TECRL: variants seen among roughly 807,000 people sequenced by gnomAD.
The protein encoded by TECRL is trans-2,3-enoyl-CoA reductase-like.
TECRL carries 63 observed loss-of-function variants against 52.8 expected under a neutral mutation model. The observed-to-expected ratio is 1.19, with a 90% CI of 0.97 to 1.47. The LOEUF (loss-of-function observed/expected upper bound fraction) is 1.47, where lower values mean the gene tolerates loss of function less well. Among genes scored for constraint, TECRL ranks in the 40% most tolerant of loss-of-function variants. The pLI is 0.00. For synonymous variants in TECRL, 164 were observed against 141.9 expected, an observed-to-expected ratio of 1.16 and a Z score of -1.10; for missense variants, 482 against 429.6, an observed-to-expected ratio of 1.12 and a Z score of -1.08.
At chr4:64,293,293 A>G (rs1199787139) in intron 8 of TECRL, among the ~76,000 whole-genome samples, 1 of 152,152 alleles carries the variant, frequency 6.6e-6, no homozygotes, top group Non-Finnish European at 1.5e-5. Flanking sequence ...TCTCTGACCT[A>G]TTAATTTTAT....
intron 7 of TECRL, among the ~76,000 whole-genome samples, chr4:64,303,540 C>A (rs1057223561): frequency 2.0e-4 from 30 of 151,604 alleles, no homozygotes; most frequent in African/African-American, 7.0e-4. Context: ...CAGTTATTTG[C>A]TGAGTAAATT....
At chr4:64,289,543 G>A (rs545813290) in intron 9 of TECRL, among the ~76,000 whole-genome samples, 167 bp downstream of exon 9, 4 of 152,156 alleles carry the variant, frequency 2.6e-5, no homozygotes, top group Admixed American at 2.0e-4. Flanking sequence ...TAGAGAATAA[G>A]ACTTGGTTCA....
At chr4:64,372,455 C>A (rs1487816270) in intron 2 of TECRL, among the ~76,000 whole-genome samples, 2 of 151,726 alleles carry the variant, frequency 1.3e-5, no homozygotes, top group Non-Finnish European at 1.5e-5. Flanking sequence ...CTTTCTATTT[C>A]TTCACCAGTC....
At chr4:64,345,569 A>C in intron 2 of TECRL, among the ~76,000 whole-genome samples, 1 of 106,798 alleles carries the variant, frequency 9.4e-6, no homozygotes, top group Non-Finnish European at 1.9e-5. Flanking sequence ...GGGAGGGGGG[A>C]GGGATAGCAT....
At chr4:64,374,254 CCAT>C (rs1342539777) in intron 2 of TECRL, among the ~76,000 whole-genome samples, 47 of 150,424 alleles carry the variant, frequency 3.1e-4, no homozygotes, top group African/African-American at 1.1e-3. Context: ...CATAGGCTTT[CCAT>C]TTCATTACGA....
intron 1 of TECRL, among the ~76,000 whole-genome samples, chr4:64,381,542 G>A (rs187150542): frequency 2.2e-4 from 34 of 151,828 alleles, no homozygotes; most frequent in Admixed American, 2.2e-3. Flanking sequence ...TGCCCTTTAT[G>A]TTGAGGTATG....
chr4:64,383,657 A>G (rs2058915469), intron 1 of TECRL, among the ~76,000 whole-genome samples: 1 of 151,606 alleles, frequency 6.6e-6, no homozygotes, highest in African/African-American at 2.4e-5. Context: ...TTTCTGATTT[A>G]TTTGTATTTT....
intron 9 of TECRL, among the ~76,000 whole-genome samples, chr4:64,284,987 T>C (rs1723011043): frequency 6.6e-6 from 1 of 152,094 alleles, no homozygotes; most frequent in Non-Finnish European, 1.5e-5. Context: ...AGGACTTCAT[T>C]GATTCAGGGA....
chr4:64,357,743 A>C lies in TECRL; in HGVS notation c.286+17429T>G, dbSNP rs11131527. 8.6e-4 allele frequency among the ~76,000 whole-genome samples: 130 copies of C among 151,448 alleles called. 3 individuals are homozygous for C. In the Middle Eastern group the frequency reaches 0.016, roughly 19 times the overall value. On this transcript the variant is annotated intron_variant, in intron 2 of 11. Coordinates refer to ENST00000381210, the MANE Select transcript of TECRL (RefSeq NM_001010874.5). ...TTCTATTTTAAAAATTAGATGAAAA[A>C]TAATTATTTCTAAATAAGCCATACA...
chr4:64,396,545 T>C (rs980856044), intron 1 of TECRL, among the ~76,000 whole-genome samples: 22 of 152,154 alleles, frequency 1.4e-4, no homozygotes, highest in Non-Finnish European at 2.6e-4. Context: ...CTTATAGATC[T>C]TGGATATTAG....
At position 64,291,309 on chromosome 4, in the gene TECRL, C is replaced by T. The variant is rs1723374045; in HGVS notation, c.775-1542G>A. On this transcript the variant is annotated intron_variant, in intron 8 of 11. Transcript: ENST00000381210. The stretch of plus-strand genomic sequence containing the variant: ...TCCACAGATTATCCTACAGTAATCT[C>T]ACTTCTCTAGACTTCATTCTAACAA... Among the ~76,000 whole-genome samples, 5 of 152,074 alleles carry T rather than the reference C, an allele frequency of 3.3e-5. No homozygotes were observed. The South Asian group carries it at 1.0e-3, about 31-fold the overall frequency.
At chr4:64,297,821 T>C (rs1411466720) in intron 8 of TECRL, among the ~76,000 whole-genome samples, 1 of 151,114 alleles carries the variant, frequency 6.6e-6, no homozygotes, top group East Asian at 1.9e-4. Flanking sequence ...ATGTCTTATA[T>C]TGGATTCAGT....
rs142653581 is a variant in TECRL, at chr4:64,299,862, T to A, written c.774+112A>T. 0.012 allele frequency: 4,834 copies of A among 390,576 alleles called. 37 individuals are homozygous for A. The highest frequency in any genetic ancestry group is 0.018 in the Non-Finnish European group (4,025 of 221,498). 24.2% of individuals were successfully genotyped at this position (390,576 alleles called of 1,614,324 possible). A position where few individuals can be genotyped will look rare whatever the true frequency, so the allele number is the denominator to read the frequency against. The stretch of plus-strand genomic sequence containing the variant: ...ACTTCATTTTATATCATTATGTATA[T>A]TATATAAATATATATCATATTTTCT... On this transcript the variant is annotated intron_variant, in intron 8 of 11. Coordinates refer to ENST00000381210, the MANE Select transcript of TECRL (RefSeq NM_001010874.5).
At chr4:64,365,459 A>G (rs887542771) in intron 2 of TECRL, among the ~76,000 whole-genome samples, 1 of 152,128 alleles carries the variant, frequency 6.6e-6, no homozygotes, top group Non-Finnish European at 1.5e-5. Flanking sequence ...TTCATAGAGG[A>G]TATGATTCTG....
chr4:64,306,609 T>C (rs1724355160), intron 6 of TECRL, among the ~76,000 whole-genome samples: 1 of 152,120 alleles, frequency 6.6e-6, no homozygotes. Flanking sequence ...CCCAGAACAA[T>C]GTTGCTTTTA....
In TECRL at chr4:64,361,215, C is replaced by T. The variant is rs117196563; in HGVS notation, c.286+13957G>A. On this transcript the variant is annotated intron_variant, in intron 2 of 11. Transcript: ENST00000381210. ...GAGTGCTTTTGCAGACAGACCTCTG[C>T]CAGCATACACCCACACACGGCAGTC... 6.2e-4 allele frequency among the ~76,000 whole-genome samples: 94 copies of T among 152,224 alleles called. No homozygotes were observed. In the East Asian group the frequency reaches 0.017, roughly 27 times the overall value.
intron 3 of TECRL, among the ~76,000 whole-genome samples, chr4:64,326,363 T>C (rs925358852): frequency 1.3e-5 from 2 of 152,154 alleles, no homozygotes; most frequent in Non-Finnish European, 2.9e-5. Context: ...ATGACAGATT[T>C]ATTGTAAAAA....
intron 1 of TECRL, among the ~76,000 whole-genome samples, chr4:64,403,204 C>CA (rs1474013070): frequency 6.6e-6 from 1 of 151,894 alleles, no homozygotes; most frequent in Non-Finnish European, 1.5e-5. Context: ...TTGTTCTTTA[C>CA]AAATGTATCT....
At chr4:64,334,475 C>T (rs908918218) in intron 2 of TECRL, among the ~76,000 whole-genome samples, 1 of 152,122 alleles carries the variant, frequency 6.6e-6, no homozygotes, top group Non-Finnish European at 1.5e-5. Flanking sequence ...GTTTATCTAT[C>T]TGAAAAATGA....
Sources: allele counts gnomAD v4.1 joint callset (sites outside exome capture counted in the v4.1 genomes callset), GRCh38; gene constraint gnomAD v4.1.1; transcripts MANE v1.5; gene names NCBI Gene and HGNC (gene_info 2026-07-23, HGNC 2026-07-21).